TNFRSF8: variants seen among roughly 807,000 people sequenced by gnomAD.
TNFRSF8 encodes the protein TNF receptor superfamily member 8.
TNFRSF8 carries 26 observed loss-of-function variants against 70.8 expected under a neutral mutation model. The observed-to-expected ratio is 0.37, with a 90% confidence interval of 0.27 to 0.51. The LOEUF is 0.51. Ranked by LOEUF, TNFRSF8 falls within the 20% of genes least tolerant of loss-of-function variation. The probability of loss-of-function intolerance (pLI) is 0.94; values close to 1 mark genes in which losing one functional copy is unlikely to be tolerated. For synonymous variants in TNFRSF8, 356 were observed against 339.2 expected, an observed-to-expected ratio of 1.05 and a Z score of -0.54; for missense variants, 720 against 807.9, an observed-to-expected ratio of 0.89 and a Z score of 1.32.
intron 1 of TNFRSF8, among the ~76,000 whole-genome samples, chr1:12,078,999 G>T (rs949736237): frequency 6.6e-6 from 1 of 152,176 alleles, no homozygotes; most frequent in Admixed American, 6.5e-5. Context: ...ATAACAGAGC[G>T]CACAGCGGTG....
At chr1:12,090,388 T>G (rs994797999) in intron 2 of TNFRSF8, among the ~76,000 whole-genome samples, 4 of 147,478 alleles carry the variant, frequency 2.7e-5, no homozygotes, top group Non-Finnish European at 6.0e-5. Context: ...TCATCCACTG[T>G]TCCTCCACCC....
chr1:12,111,107 G>C (rs1009902734), intron 6 of TNFRSF8, among the ~76,000 whole-genome samples: 1 of 152,176 alleles, frequency 6.6e-6, no homozygotes, highest in East Asian at 1.9e-4. Flanking sequence ...TTGGGTTGGA[G>C]CTCTTTTCCT....
At chr1:12,076,955 A>C (rs560768866) in intron 1 of TNFRSF8, among the ~76,000 whole-genome samples, 2 of 152,050 alleles carry the variant, frequency 1.3e-5, no homozygotes, top group South Asian at 4.2e-4. Context: ...CTACATTGTT[A>C]ATTTGGGACA....
At chr1:12,093,872 G>A (rs1037977729) in intron 2 of TNFRSF8, among the ~76,000 whole-genome samples, 5 of 152,048 alleles carry the variant, frequency 3.3e-5, no homozygotes, top group African/African-American at 1.2e-4. Context: ...GAGATCGAGA[G>A]CATCTTGGCT....
In TNFRSF8 at chr1:12,138,720, G is replaced by A. The variant is rs1642200072; in HGVS notation, c.1543+284G>A. ...AGCCCCCAACACCGAGCACCCGAGG[G>A]GACAGGAGGAAGACGTGCCAGTGGT... On this transcript the variant is annotated intron_variant, in intron 14 of 14. Transcript: ENST00000263932. This position sits in a 1 kb window ranked among gnomAD's most constrained non-coding sequence, Gnocchi z 5.7. Among the ~76,000 whole-genome samples, 1 of 152,096 alleles carries A rather than the reference G, an allele frequency of 6.6e-6. No homozygotes were observed. Among genetic ancestry groups the A allele is most frequent in the Non-Finnish European group, 1.5e-5 (1 of 68,010 alleles).
At chr1:12,082,549 C>CAAAAA (rs34818321) in intron 1 of TNFRSF8, among the ~76,000 whole-genome samples, 2 of 121,264 alleles carry the variant, frequency 1.6e-5, no homozygotes, top group East Asian at 3.0e-4. Context: ...GACCCTGTCT[C>CAAAAA]AAAAAAAAAA....
chr1:12,086,777 A>G (rs1641159476), intron 2 of TNFRSF8, among the ~76,000 whole-genome samples: 1 of 151,840 alleles, frequency 6.6e-6, no homozygotes, highest in Non-Finnish European at 1.5e-5. Flanking sequence ...TGGTGGGAAG[A>G]TCGATCTCTC....
intron 1 of TNFRSF8, among the ~76,000 whole-genome samples, chr1:12,066,772 C>T (rs563719729): frequency 1.3e-5 from 2 of 152,188 alleles, no homozygotes; most frequent in African/African-American, 4.8e-5. Flanking sequence ...CCTGCCTCAG[C>T]CTCCTGAATA....
intron 1 of TNFRSF8, among the ~76,000 whole-genome samples, chr1:12,074,751 CCT>C (rs1640908355): frequency 6.6e-6 from 1 of 152,256 alleles, no homozygotes; most frequent in Non-Finnish European, 1.5e-5. Context: ...AAAATGGAAA[CCT>C]CTCGAATGGA....
intron 13 of TNFRSF8, among the ~76,000 whole-genome samples, chr1:12,136,164 A>G (rs1642141495): frequency 6.6e-6 from 1 of 151,908 alleles, no homozygotes; most frequent in African/African-American, 2.4e-5. Context: ...TTCATTTTTC[A>G]ATATAATATA....
rs1640692892 is a variant in TNFRSF8 at position 12,063,938 on chromosome 1, C to T, written c.63+277C>T. 6.6e-6 allele frequency among the ~76,000 whole-genome samples: 1 copy of T among 152,200 alleles called. No homozygotes were observed. Among genetic ancestry groups the T allele is most frequent in the Non-Finnish European group, 1.5e-5 (1 of 68,048 alleles). ...ATTGGACTGAGAGCACTGCCATACG[C>T]GGGAGGCGCTCTTTAGCCCGCCTAC... is the stretch of plus-strand genomic sequence containing the variant. On this transcript the variant is annotated intron_variant, in intron 1 of 14. Transcript: ENST00000263932. This position sits in a 1 kb window ranked among gnomAD's most constrained non-coding sequence, Gnocchi z 7.2.
intron 1 of TNFRSF8, among the ~76,000 whole-genome samples, chr1:12,076,461 TTTC>T (rs1196792430): frequency 6.6e-6 from 1 of 152,180 alleles, no homozygotes; most frequent in Non-Finnish European, 1.5e-5. Context: ...TTTTTTCTTC[TTTC>T]TTCAACTCTT....
chr1:12,135,399 C>A (rs1234103522), intron 12 of TNFRSF8, among the ~76,000 whole-genome samples, 189 bp from the exon 13 acceptor site: 2 of 151,516 alleles, frequency 1.3e-5, no homozygotes, highest in African/African-American at 4.9e-5. Context: ...AGAAGTGAGC[C>A]TCCTTGCCTT....
rs1451007105 is a variant in TNFRSF8 at position 12,109,688 on chromosome 1, C to T, written c.512+32C>T. On this transcript the variant is annotated intron_variant, in intron 5 of 14. Transcript: ENST00000263932. This position sits in a 1 kb window ranked among gnomAD's most constrained non-coding sequence, Gnocchi z 4.4. ...CCCTGGCTTTGCCTCCTCCTCTTCCCCCAAGCTGGCTTTCAGATGAGGCTG... is the reference window on the plus strand; with the variant it reads ...CCCTGGCTTTGCCTCCTCCTCTTCCTCCAAGCTGGCTTTCAGATGAGGCTG... 6.3e-7 allele frequency: 1 copy of T among 1,586,588 alleles called. No individual in the cohort carries two copies.
At chr1:12,129,070 T>C (rs1641998152) in intron 12 of TNFRSF8, among the ~76,000 whole-genome samples, 2 of 152,036 alleles carry the variant, frequency 1.3e-5, no homozygotes, top group South Asian at 4.2e-4. Context: ...CCTGACCTCA[T>C]GATCCGCCTG....
intron 12 of TNFRSF8, 103 bp downstream of exon 12, chr1:12,126,339 C>G: frequency 2.2e-6 from 3 of 1,358,558 alleles, no homozygotes; most frequent in Non-Finnish European, 1.0e-6. Flanking sequence ...ACCCCAGCCT[C>G]GAAGCTCCCT....
At chr1:12,086,388 T>C (rs988357248) in intron 2 of TNFRSF8, among the ~76,000 whole-genome samples, 10 of 152,330 alleles carry the variant, frequency 6.6e-5, no homozygotes, top group African/African-American at 2.4e-4. Flanking sequence ...TTAGTGTTGA[T>C]TTTGAATGAT....
chr1:12,138,390 C>T lies in TNFRSF8; in HGVS notation c.1497C>T (p.Asp499=), dbSNP rs1400988099. ...SPAGGPSSPR[D]LPEPRVSTEH... is the part of the protein sequence containing the mutation. The stretch of plus-strand genomic sequence containing the variant: ...CCGGGGGCCCCTCGTCCCCCAGGGA[C>T]CTTCCTGAGCCCCGGGTGTCCACGG... Residue 499 remains aspartate, a synonymous_variant, in exon 14 of 15, where the codon GAC becomes GAT. Coordinates refer to ENST00000263932, the MANE Select transcript of TNFRSF8 (RefSeq NM_001243.5). The surrounding 1 kb of genome is among the most constrained non-coding windows in gnomAD (Gnocchi z 5.7). 5.6e-6 allele frequency: 9 copies of T among 1,613,508 alleles called. No individual in the cohort carries two copies. Among genetic ancestry groups the T allele is most frequent in the Non-Finnish European group, 7.6e-6 (9 of 1,179,838 alleles).
intron 3 of TNFRSF8, among the ~76,000 whole-genome samples, chr1:12,097,419 C>T (rs773147183): frequency 1.6e-4 from 24 of 152,174 alleles, no homozygotes; most frequent in Non-Finnish European, 3.1e-4. Context: ...TTCACAGAGA[C>T]TTAACATGTT....
Sources: gnomAD v4.1 joint callset for allele counts (sites outside exome capture counted in the v4.1 genomes callset) on GRCh38, gnomAD v4.1.1 for gene constraint, Gnocchi (gnomAD v3.1) non-coding constraint, MANE v1.5 for transcripts, NCBI Gene and HGNC (gene_info 2026-07-23, HGNC 2026-07-21) for gene names.